The following NUDT14 variants were observed in gnomAD, a reference collection of about 807,000 sequenced individuals.
The protein encoded by NUDT14 is nudix hydrolase 14.
In NUDT14, 22 loss-of-function variants were observed where a neutral mutation model predicts 17.5. That is an observed-to-expected ratio of 1.26 (90% CI 0.90 to 1.80). The LOEUF (loss-of-function observed/expected upper bound fraction) is 1.80, where lower values mean the gene tolerates loss of function less well. NUDT14 is among the 40% of genes most tolerant of loss of function. The pLI is 0.00. For synonymous variants in NUDT14, 129 were observed against 125.8 expected, an observed-to-expected ratio of 1.03 and a Z score of -0.17; for missense variants, 296 against 295.6, an observed-to-expected ratio of 1.00 and a Z score of -0.01.
chr14:105,177,081 G>A, intron 2 of NUDT14, 54 bp from the exon 3 acceptor site: 4 of 1,557,182 alleles, frequency 2.6e-6, no homozygotes, highest in Non-Finnish European at 3.5e-6. Context: ...CCCTCGTGGG[G>A]CCCCACCTCC....
In NUDT14 at chr14:105,181,092, C is replaced by T; in HGVS notation, c.81+37G>A. 28 of 742,918 alleles carry T rather than the reference C, an allele frequency of 3.8e-5. No individual in the cohort carries two copies. The highest frequency in any genetic ancestry group is 4.3e-5 in the Non-Finnish European group (26 of 599,154). 46.0% of individuals were successfully genotyped at this position (742,918 alleles called of 1,614,324 possible). ...GGGCGCGGGTCGTGGGCCGGGCCGC[C>T]GGCGGGGGCGCGGGGGACGCGGGGG... is the stretch of plus-strand genomic sequence containing the variant. On this transcript the variant is annotated intron_variant, in intron 1 of 4. Transcript: ENST00000392568. This position sits in a 1 kb window ranked among gnomAD's most constrained non-coding sequence, Gnocchi z 5.0.
At position 105,181,087 on chromosome 14, in the gene NUDT14, G is replaced by A. The variant is rs1326829599; in HGVS notation, c.81+42C>T. ...GGGCGGGGCGCGGGTCGTGGGCCGG[G>A]CCGCCGGCGGGGGCGCGGGGGACGC... On this transcript the variant is annotated intron_variant, in intron 1 of 4. Coordinates refer to ENST00000392568, the MANE Select transcript of NUDT14 (RefSeq NM_177533.5). This position sits in a 1 kb window ranked among gnomAD's most constrained non-coding sequence, Gnocchi z 5.0. The A allele has an allele frequency of 2.3e-5, 16 of 699,766 alleles. No individual in the cohort carries two copies. Among genetic ancestry groups the A allele is most frequent in the Non-Finnish European group, 2.9e-5 (16 of 558,642 alleles). 43.3% of individuals were successfully genotyped at this position (699,766 alleles called of 1,614,324 possible).
chr14:105,176,762 G>C lies in NUDT14; in HGVS notation c.200C>G (p.Ala67Gly), dbSNP rs761912638. Reference protein sequence around the residue: ...LVKQFRPAVYAGEVERRFPGS... With the variant: ...LVKQFRPAVYGGEVERRFPGS... ...TGGGAAGCGGCGCTCCACCTCACCC[G>C]CATACACAGCTGCGTGGGAAGAAGC... The change falls in exon 4 of 5, where the codon GCG becomes GGG. Residue 67 changes from alanine to glycine, a missense_variant. Transcript: ENST00000392568. 1.2e-6 allele frequency: 2 copies of C among 1,611,976 alleles called. No individual in the cohort carries two copies. The highest frequency in any genetic ancestry group is 1.7e-6 in the Non-Finnish European group (2 of 1,179,668).
Position 105,176,712 on chromosome 14 carries a change from C to T in NUDT14, c.250G>A (p.Asp84Asn), listed in dbSNP as rs750901508. 6.2e-7 allele frequency: 1 copy of T among 1,612,778 alleles called. No individual in the cohort carries two copies. The highest frequency in any genetic ancestry group is 8.5e-7 in the Non-Finnish European group (1 of 1,179,980). ...GCTGGCTGTAGCTCCCGAGGCCCGT[C>T]CTGGTCTACAGCTGCTAGGGACCCT... Reference protein sequence around the residue: ...FPGSLAAVDQDGPRELQPALP... With the variant: ...FPGSLAAVDQNGPRELQPALP... Residue 84 changes from aspartate (D) to asparagine (N), a missense_variant, in exon 4 of 5, where the codon GAC becomes AAC. By Grantham distance (23) the Asp-to-Asn change is conservative. Transcript: ENST00000392568.
intron 4 of NUDT14, chr14:105,176,008 C>T (rs1201604266): frequency 4.7e-6 from 6 of 1,265,384 alleles, no homozygotes; most frequent in East Asian, 5.9e-5. Flanking sequence ...GGATGGGCTT[C>T]ATACCAACAT....
At position 105,173,026 on chromosome 14, in the gene NUDT14, G is replaced by A; in HGVS notation, c.664C>T (p.Gln222Ter). 6.6e-6 allele frequency: 10 copies of A among 1,510,926 alleles called. No homozygotes were observed. The highest frequency in any genetic ancestry group is 8.0e-6 in the Non-Finnish European group (9 of 1,130,338). The allele number at this position is 1,510,926 out of a possible 1,614,324, so 93.6% of individuals were successfully genotyped here. Residue 222 changes from glutamine (Q) to a stop codon, truncating the protein, a stop_gained, in exon 5 of 5, where the codon CAG (glutamine) becomes TAG (stop). Transcript: ENST00000392568. LOFTEE classifies it high-confidence loss of function. This position sits in a 1 kb window ranked among gnomAD's most constrained non-coding sequence, Gnocchi z 4.7. ...LSQVAPNLDL[Q>*] is the part of the protein sequence containing the mutation. Reference sequence around the variant, plus strand: ...CTGTCTAGAACCCTGGAGTCTCACTGGAGATCCAGGTTGGGGGCCACCTGG... The same window carrying A: ...CTGTCTAGAACCCTGGAGTCTCACTAGAGATCCAGGTTGGGGGCCACCTGG...
chr14:105,177,151 G>T lies in NUDT14; in HGVS notation c.126-124C>A, dbSNP rs140468021. The T allele has an allele frequency of 8.5e-3, 7,490 of 877,766 alleles. 51 individuals are homozygous for T. The highest frequency in any genetic ancestry group is 0.016 in the South Asian group (1,129 of 68,918). 54.4% of individuals were successfully genotyped at this position (877,766 alleles called of 1,614,324 possible). ...CTTGCCAGCAGCCCAGGGAGGTCAG[G>T]CCCCTTGCTCAGATAGGATGGCTGA... is the stretch of plus-strand genomic sequence containing the variant. On this transcript the variant is annotated intron_variant, in intron 2 of 4. Coordinates refer to ENST00000392568, the MANE Select transcript of NUDT14 (RefSeq NM_177533.5).
At chr14:105,179,528 G>C (rs1052502219) in intron 1 of NUDT14, among the ~76,000 whole-genome samples, 1 of 152,248 alleles carries the variant, frequency 6.6e-6, no homozygotes, top group African/African-American at 2.4e-5. Context: ...TGCAAGGGCT[G>C]CCCTGAGGCT....
intron 1 of NUDT14, among the ~76,000 whole-genome samples, chr14:105,179,322 G>A (rs1393666286): frequency 6.6e-6 from 1 of 152,196 alleles, no homozygotes; most frequent in Non-Finnish European, 1.5e-5. Flanking sequence ...TCCCCTGGCT[G>A]GACGCAGCAA....
chr14:105,177,047 C>A lies in NUDT14; in HGVS notation c.126-20G>T. 1 of 1,608,964 alleles carries A rather than the reference C, an allele frequency of 6.2e-7. No homozygotes were observed. The highest frequency in any genetic ancestry group is 8.5e-7 in the Non-Finnish European group (1 of 1,178,654). ...GTCACGCTGTGTACGGGGGGAGGGG[C>A]TCAGCACAGAAGCACTCCACTGGCC... On this transcript the variant is annotated intron_variant, in intron 2 of 4. Coordinates refer to ENST00000392568, the MANE Select transcript of NUDT14 (RefSeq NM_177533.5).
intron 1 of NUDT14, among the ~76,000 whole-genome samples, chr14:105,179,498 G>A (rs980808839): frequency 1.5e-4 from 23 of 152,216 alleles, no homozygotes; most frequent in Non-Finnish European, 2.1e-4. Flanking sequence ...GAGCTGTGCC[G>A]GCGGGCTGCC....
At chr14:105,177,344 C>G in intron 2 of NUDT14, 1 of 558,406 alleles carries the variant, frequency 1.8e-6, no homozygotes, top group Non-Finnish European at 3.3e-6. Context: ...ACGTTTGGCC[C>G]TCACTGAGCA....
chr14:105,177,229 C>A, intron 2 of NUDT14: 1 of 655,208 alleles, frequency 1.5e-6, no homozygotes, highest in South Asian at 1.7e-5. Context: ...AGGACCCAGA[C>A]CTGCTGTATT....
intron 1 of NUDT14, among the ~76,000 whole-genome samples, chr14:105,177,983 T>C (rs1455676402): frequency 6.6e-6 from 1 of 151,848 alleles, no homozygotes; most frequent in Non-Finnish European, 1.5e-5. Context: ...GCAGGGAAGG[T>C]GTCCAGGCAC....
At chr14:105,177,801 G>C (rs1441685416) in intron 1 of NUDT14, 66 bp from the exon 2 acceptor site, 1 of 1,519,322 alleles carries the variant, frequency 6.6e-7, no homozygotes, top group Admixed American at 1.7e-5. Context: ...GAACCGAGGA[G>C]GCCACAGACC....
At chr14:105,177,952 G>A (rs1889252449) in intron 1 of NUDT14, among the ~76,000 whole-genome samples, 1 of 152,054 alleles carries the variant, frequency 6.6e-6, no homozygotes, top group Admixed American at 6.5e-5. Context: ...CTACGAGTGA[G>A]GCAGAAGACC....
chr14:105,181,236 CGAGCTCTGCGGGGGCCGA>C lies in NUDT14; in HGVS notation c.-45_-28del, dbSNP rs1566779349. The C allele has an allele frequency of 4.1e-6, 1 of 241,448 alleles. No homozygotes were observed. The highest frequency in any genetic ancestry group is 5.2e-6 in the Non-Finnish European group (1 of 191,830). The allele number at this position is 241,448 out of a possible 1,614,324, so 15.0% of individuals were successfully genotyped here. ...GCGGCGCCCGGACAGGCGGGGGCCGCGAGCTCTGCGGGGGCCGACACGGGGCGGCGCCCTGTCCCGACA... is the reference window on the plus strand; with the variant it reads ...GCGGCGCCCGGACAGGCGGGGGCCGCCACGGGGCGGCGCCCTGTCCCGACA... On this transcript the variant is annotated 5_prime_UTR_variant, in exon 1 of 5. Transcript: ENST00000392568. This position sits in a 1 kb window ranked among gnomAD's most constrained non-coding sequence, Gnocchi z 5.0.
chr14:105,181,261 G>C lies in NUDT14; in HGVS notation c.-52C>G. 1.4e-6 allele frequency: 1 copy of C among 709,390 alleles called. No individual in the cohort carries two copies. The highest frequency in any genetic ancestry group is 1.8e-6 in the Non-Finnish European group (1 of 552,770). 43.9% of individuals were successfully genotyped at this position (709,390 alleles called of 1,614,324 possible). A position where few individuals can be genotyped will look rare whatever the true frequency, so the allele number is the denominator to read the frequency against. ...CGAGCTCTGCGGGGGCCGACACGGG[G>C]CGGCGCCCTGTCCCGACAGGAGCCT... On this transcript the variant is annotated 5_prime_UTR_variant, in exon 1 of 5. Transcript: ENST00000392568. The surrounding 1 kb of genome is among the most constrained non-coding windows in gnomAD (Gnocchi z 5.0).
At position 105,176,709 on chromosome 14, in the gene NUDT14, C is replaced by T. The variant is rs144645678; in HGVS notation, c.253G>A (p.Gly85Arg). 8,037 of 1,612,762 alleles carry T rather than the reference C, an allele frequency of 5.0e-3. 32 individuals are homozygous for T. The highest frequency in any genetic ancestry group is 8.0e-3 in the South Asian group (728 of 91,086). ...PGSLAAVDQD[G>R]PRELQPALPG... ...AGGGCTGGCTGTAGCTCCCGAGGCC[C>T]GTCCTGGTCTACAGCTGCTAGGGAC... is the stretch of plus-strand genomic sequence containing the variant. Residue 85 changes from glycine (G) to arginine (R), a missense_variant, in exon 4 of 5, where the codon GGG becomes AGG. Physicochemically the swap from Gly to Arg is moderately radical, Grantham distance 125 (BLOSUM62 -2). Coordinates refer to ENST00000392568, the MANE Select transcript of NUDT14 (RefSeq NM_177533.5).
Sources: gnomAD v4.1 joint callset for allele counts (sites outside exome capture counted in the v4.1 genomes callset) on GRCh38, gnomAD v4.1.1 for gene constraint, Gnocchi (gnomAD v3.1) non-coding constraint, MANE v1.5 for transcripts, NCBI Gene and HGNC (gene_info 2026-07-23, HGNC 2026-07-21) for gene names.